The following CEP83 variants were observed in gnomAD, a reference collection of about 807,000 sequenced individuals.
CEP83 encodes the protein centrosomal protein of 83 kDa.
In CEP83, 70 loss-of-function variants were observed where a neutral mutation model predicts 101.9. The observed-to-expected ratio is 0.69, with a 90% CI of 0.57 to 0.84. The LOEUF is 0.84. Among genes scored for constraint, CEP83 ranks in the 40% least tolerant of loss-of-function variants. CEP83 has a pLI of 0.00. For synonymous variants in CEP83, 264 were observed against 267.9 expected, an observed-to-expected ratio of 0.99 and a Z score of 0.14; for missense variants, 715 against 787.2, an observed-to-expected ratio of 0.91 and a Z score of 1.10.
intron 14 of CEP83, among the ~76,000 whole-genome samples, chr12:94,326,874 C>T (rs1187737621): frequency 2.6e-5 from 4 of 152,210 alleles, no homozygotes; most frequent in East Asian, 1.9e-4. Flanking sequence ...GATGCTCCTG[C>T]TGGCACTCTG....
chr12:94,280,678 G>A, the CEP83 span, among the ~76,000 whole-genome samples: 6 of 152,190 alleles, frequency 3.9e-5, no homozygotes, highest in Non-Finnish European at 4.4e-5. Flanking sequence ...GCCCCAGCCA[G>A]GACACCATGA....
intron 6 of CEP83, among the ~76,000 whole-genome samples, chr12:94,392,422 A>T (rs1219602157): frequency 6.6e-6 from 1 of 152,222 alleles, no homozygotes; most frequent in African/African-American, 2.4e-5. Flanking sequence ...GCAGAAATAA[A>T]GATGTTCTTT....
At chr12:94,347,074 TAC>T (rs527486795) in intron 11 of CEP83, among the ~76,000 whole-genome samples, 100 of 129,568 alleles carry the variant, frequency 7.7e-4, no homozygotes, top group South Asian at 1.2e-3. Flanking sequence ...TATATACACA[TAC>T]ACACACACAC....
intron 11 of CEP83, among the ~76,000 whole-genome samples, chr12:94,346,265 C>G (rs1216419215): frequency 1.3e-5 from 2 of 151,980 alleles, no homozygotes; most frequent in African/African-American, 4.8e-5. Context: ...GTTGGTCAGG[C>G]TGGTCTCAAA....
chr12:94,312,480 G>A, intron 15 of CEP83: 1 of 555,642 alleles, frequency 1.8e-6, no homozygotes, highest in Non-Finnish European at 2.3e-6. Context: ...TAAAAATGCT[G>A]ATGATCCTGA....
downstream of CEP83, chr12:94,304,428 G>C (rs150160868): frequency 5.4e-5 from 9 of 167,304 alleles, no homozygotes; most frequent in Admixed American, 5.7e-4. Context: ...GTATTCAATC[G>C]TTATATGAAA....
intron 14 of CEP83, among the ~76,000 whole-genome samples, chr12:94,317,774 GTGTT>G (rs1243971033): frequency 3.9e-5 from 6 of 152,146 alleles, no homozygotes; most frequent in East Asian, 3.9e-4. Flanking sequence ...ATTGATTTAT[GTGTT>G]TGTTTTTGTA....
the CEP83 span, among the ~76,000 whole-genome samples, chr12:94,276,540 G>A: frequency 8.5e-5 from 13 of 152,248 alleles, no homozygotes; most frequent in Admixed American, 2.0e-4. Flanking sequence ...GGCACCAATT[G>A]TGCAGTTAGG....
At position 94,338,120 on chromosome 12, in the gene CEP83, G is replaced by GGTCCAAGAAGCGTCTAGGT. The variant is rs541725729; in HGVS notation, c.1344-2475_1344-2457dup. On this transcript the variant is annotated intron_variant, in intron 11 of 16. Transcript: ENST00000397809. The stretch of plus-strand genomic sequence containing the variant: ...AGTGATCAGTTCTAGGTGACGACAA[G>GGTCCAAGAAGCGTCTAGGT]GTCCAAGAAGCGTCTAGGTGTACAA... Among the ~76,000 whole-genome samples, 5 of 152,250 alleles carry GGTCCAAGAAGCGTCTAGGT rather than the reference G, an allele frequency of 3.3e-5. No homozygotes were observed. The South Asian group carries it at 1.0e-3, about 32-fold the overall frequency.
intron 2 of CEP83, among the ~76,000 whole-genome samples, chr12:94,416,978 C>T (rs1238589525): frequency 1.3e-5 from 2 of 151,974 alleles, no homozygotes; most frequent in Admixed American, 6.6e-5. Flanking sequence ...TCCCGCAACC[C>T]CCCTCCCAAA....
At chr12:94,326,650 G>A (rs7138162) in intron 14 of CEP83, among the ~76,000 whole-genome samples, 3,596 of 152,214 alleles carry the variant, frequency 0.024, 152 homozygotes, top group African/African-American at 0.083. Context: ...ATTCGAGTGG[G>A]CCCTAAATCC....
At position 94,379,000 on chromosome 12, in the gene CEP83, G is replaced by T. The variant is rs777192208; in HGVS notation, c.592C>A (p.Leu198Met). 1.2e-6 allele frequency: 2 copies of T among 1,612,748 alleles called. No homozygotes were observed. The highest frequency in any genetic ancestry group is 1.1e-5 in the South Asian group (1 of 90,964). The change falls in exon 7 of 17, where the codon CTG becomes ATG. Residue 198 changes from leucine (L) to methionine (M), a missense_variant. By Grantham distance (15) the Leu-to-Met change is conservative. Transcript: ENST00000397809. ...TCTTTTGTGAGATCAACATTAAGCA[G>T]CTGGTTACGTAGTTCTTCTTTATCT... ...EEDKEELRNQ[L>M]LNVDLTKDSK...
chr12:94,370,103 C>T lies in CEP83; in HGVS notation c.934-67G>A, dbSNP rs2061227303. The T allele has an allele frequency of 9.0e-6, 8 of 885,966 alleles. No homozygotes were observed. In the Admixed American group the frequency reaches 1.6e-4, roughly 18 times the overall value. The allele number at this position is 885,966 out of a possible 1,614,324, so 54.9% of individuals were successfully genotyped here. On this transcript the variant is annotated intron_variant, in intron 8 of 16. Transcript: ENST00000397809. ...TTGCCATTCAATACTTACCCCAAAACATAAGTGGAAACAAGAAAACGCTCT... is the reference window on the plus strand; with the variant it reads ...TTGCCATTCAATACTTACCCCAAAATATAAGTGGAAACAAGAAAACGCTCT...
At chr12:94,335,810 G>C (rs78047124) in intron 11 of CEP83, 146 bp from the exon 12 acceptor site, 2 of 620,904 alleles carry the variant, frequency 3.2e-6, no homozygotes, top group East Asian at 3.2e-5. Context: ...ACTAGGTTGT[G>C]TTCACGTATA....
intron 11 of CEP83, among the ~76,000 whole-genome samples, chr12:94,340,383 G>A (rs770669244): frequency 6.6e-6 from 1 of 151,806 alleles, no homozygotes. Flanking sequence ...TACCACGGTC[G>A]CAGTGGTAGG....
intron 1 of CEP83, among the ~76,000 whole-genome samples, 186 bp from the exon 2 acceptor site, chr12:94,435,513 C>CA (rs1244869810): frequency 6.6e-6 from 1 of 152,128 alleles, no homozygotes; most frequent in Non-Finnish European, 1.5e-5. Context: ...ACAAGACAGC[C>CA]AAAAAACTCC....
chr12:94,383,355 T>C (rs2061955376), intron 6 of CEP83, among the ~76,000 whole-genome samples: 1 of 152,090 alleles, frequency 6.6e-6, no homozygotes, highest in South Asian at 2.1e-4. Context: ...AAAATGCAGT[T>C]TATGCCGGCA....
the CEP83 span, among the ~76,000 whole-genome samples, chr12:94,275,358 C>T: frequency 5.3e-5 from 8 of 152,136 alleles, no homozygotes; most frequent in South Asian, 2.1e-4. Context: ...GTGTGGGAGC[C>T]GGAGAGATGG....
At chr12:94,380,071 C>CAAAAAAAAAAAAAAAAAAAAAAAAAA in intron 6 of CEP83, among the ~76,000 whole-genome samples, 1 of 83,194 alleles carries the variant, frequency 1.2e-5, no homozygotes, top group Non-Finnish European at 2.4e-5. Context: ...CCCGGCCCTG[C>CAAAAAAAAAAAAAAAAAAAAAAAAAA]AAAAAAAAAA....
Sources: allele counts gnomAD v4.1 joint callset (sites outside exome capture counted in the v4.1 genomes callset), GRCh38; gene constraint gnomAD v4.1.1; transcripts MANE v1.5; gene names NCBI Gene and HGNC (gene_info 2026-07-23, HGNC 2026-07-21).